Variants in IQGAP2 observed in about 807,000 individuals in gnomAD.
IQGAP2 encodes IQ motif containing GTPase activating protein 2, also known as ras GTPase-activating-like protein IQGAP2.
IQGAP2 carries 173 observed loss-of-function variants against 201.3 expected under a neutral mutation model. The observed-to-expected ratio is 0.86, with a 90% CI of 0.76 to 0.98. The LOEUF (loss-of-function observed/expected upper bound fraction) is 0.98. Ranked by LOEUF, IQGAP2 falls within the 50% of genes least tolerant of loss-of-function variation. The pLI is 0.00. For synonymous variants in IQGAP2, 675 were observed against 673.9 expected (o/e 1.00, Z -0.03); for missense variants, 1,687 against 1,864.8 (o/e 0.90, Z 1.76).
chr5:76,638,707 C>T (rs999742062), intron 16 of IQGAP2, among the ~76,000 whole-genome samples: 2 of 152,158 alleles, frequency 1.3e-5, no homozygotes, highest in Admixed American at 6.6e-5. Context: ...GAGAGGAGCA[C>T]TTTGACAATA....
At chr5:76,589,567 T>A in intron 6 of IQGAP2, 48 bp from the exon 7 acceptor site, 1 of 1,050,444 alleles carries the variant, frequency 9.5e-7, no homozygotes, top group Non-Finnish European at 1.4e-6. Flanking sequence ...TCCATCTCTG[T>A]CTGTAGCTTT....
intron 26 of IQGAP2, 64 bp downstream of exon 26, chr5:76,674,100 T>C (rs1003652899): frequency 4.4e-5 from 39 of 888,506 alleles, no homozygotes; most frequent in South Asian, 2.9e-4. Flanking sequence ...ATTACCAACA[T>C]ATAACTTTGT....
chr5:76,496,753 C>CTTTCTTTCTTTCTTTCT lies in IQGAP2; in HGVS notation c.146+35087_146+35103dup, dbSNP rs1561416433. The stretch of plus-strand genomic sequence containing the variant: ...TCTTTCTTTCTTTCTTTCTTTCTTT[C>CTTTCTTTCTTTCTTTCT]TTTCTTTCTTTCTTTCTTTCTTTCT... On this transcript the variant is annotated intron_variant, in intron 2 of 35. Coordinates refer to ENST00000274364, the MANE Select transcript of IQGAP2 (RefSeq NM_006633.5). 5.9e-3 allele frequency among the ~76,000 whole-genome samples: 388 copies of CTTTCTTTCTTTCTTTCT among 65,414 alleles called. 9 individuals are homozygous for CTTTCTTTCTTTCTTTCT. The highest frequency in any genetic ancestry group is 0.01 in the East Asian group (27 of 2,654). The allele number at this position is 65,414 out of a possible 152,430, so 42.9% of individuals were successfully genotyped here.
At chr5:76,499,183 C>G (rs1233964400) in intron 2 of IQGAP2, among the ~76,000 whole-genome samples, 1 of 152,184 alleles carries the variant, frequency 6.6e-6, no homozygotes, top group African/African-American at 2.4e-5. Context: ...AAGAAGCCGT[C>G]TCCCCTAACC....
chr5:76,626,493 A>G (rs1425352468), intron 13 of IQGAP2, among the ~76,000 whole-genome samples: 3 of 151,142 alleles, frequency 2.0e-5, no homozygotes, highest in Admixed American at 6.6e-5. Context: ...CTGGTCTCGA[A>G]CTCCTGACCT....
At position 76,562,468 on chromosome 5, in the gene IQGAP2, T is replaced by C; in HGVS notation, c.219T>C (p.Val73=). Residue 73 remains valine (V), a synonymous_variant, in exon 3 of 36, where the codon GTT becomes GTC. Coordinates refer to ENST00000274364, the MANE Select transcript of IQGAP2 (RefSeq NM_006633.5). Reference sequence around the variant, plus strand: ...TGGAAGAAGGGCTCCGGAATGGAGTTTACCTTGCAAAGTTAGCCAAGTTCT... The same window carrying C: ...TGGAAGAAGGGCTCCGGAATGGAGTCTACCTTGCAAAGTTAGCCAAGTTCT... ...TELEEGLRNG[V]YLAKLAKFFA... 2 of 1,613,984 alleles carry C rather than the reference T, an allele frequency of 1.2e-6. No individual in the cohort carries two copies. The highest frequency in any genetic ancestry group is 1.7e-6 in the Non-Finnish European group (2 of 1,179,880).
At chr5:76,565,888 C>G (rs1011966773) in intron 3 of IQGAP2, among the ~76,000 whole-genome samples, 1 of 152,116 alleles carries the variant, frequency 6.6e-6, no homozygotes, top group Admixed American at 6.5e-5. Flanking sequence ...GGGTCCCACC[C>G]CAGACTACTG....
chr5:76,612,586 T>G (rs1748501712), intron 13 of IQGAP2, among the ~76,000 whole-genome samples: 1 of 152,168 alleles, frequency 6.6e-6, no homozygotes, highest in Non-Finnish European at 1.5e-5. Context: ...TCTGTCTGAT[T>G]CGGAAACATT....
At position 76,500,933 on chromosome 5, in the gene IQGAP2, A is replaced by G. The variant is rs927536457; in HGVS notation, c.146+39264A>G. On this transcript the variant is annotated intron_variant, in intron 2 of 35. Transcript: ENST00000274364. ...AATGTTTAGGTAAATTGCCTTGATG[A>G]CAGAGTATGCCAAAGGACTGAGATT... 4.6e-5 allele frequency among the ~76,000 whole-genome samples: 7 copies of G among 152,288 alleles called. No homozygotes were observed. The South Asian group carries it at 1.2e-3, about 27-fold the overall frequency.
At chr5:76,510,655 G>T in intron 2 of IQGAP2, 3 of 534,964 alleles carry the variant, frequency 5.6e-6, no homozygotes, top group East Asian at 5.4e-5. Context: ...CTCCTTTGGG[G>T]ACTGCCACCG....
intron 1 of IQGAP2, among the ~76,000 whole-genome samples, chr5:76,427,028 CA>C (rs33956131): frequency 0.38 from 58,096 of 151,454 alleles, 13,137 homozygotes; most frequent in East Asian, 0.53. Context: ...GAGAAAATAA[CA>C]TTAGAGTTAA....
intron 21 of IQGAP2, among the ~76,000 whole-genome samples, chr5:76,664,719 AATAG>A (rs1427570610): frequency 6.6e-6 from 1 of 152,168 alleles, no homozygotes; most frequent in Non-Finnish European, 1.5e-5. Flanking sequence ...AGCGCCCCGT[AATAG>A]ATAGTATAAT....
At chr5:76,463,022 C>A (rs913190227) in intron 2 of IQGAP2, among the ~76,000 whole-genome samples, 1 of 149,232 alleles carries the variant, frequency 6.7e-6, no homozygotes, top group South Asian at 2.1e-4. Context: ...ACTCCTGAGG[C>A]TAAGGTGGGA....
At chr5:76,644,887 A>G (rs1751908350) in intron 17 of IQGAP2, among the ~76,000 whole-genome samples, 1 of 152,224 alleles carries the variant, frequency 6.6e-6, no homozygotes, top group African/African-American at 2.4e-5. Flanking sequence ...TTCGGGATAC[A>G]TGTGCAGAAT....
At position 76,453,072 on chromosome 5, in the gene IQGAP2, T is replaced by C. The variant is rs573144689; in HGVS notation, c.47-8498T>C. ...CTGGGATTACAGGCTTGCGCCACCA[T>C]GCCTAGCTAGTTTTTATATTTTTAG... On this transcript the variant is annotated intron_variant, in intron 1 of 35. Transcript: ENST00000274364. Among the ~76,000 whole-genome samples the C allele has an allele frequency of 2.0e-5, 3 of 152,184 alleles. No homozygotes were observed. The South Asian group carries it at 6.2e-4, about 32-fold the overall frequency.
intron 13 of IQGAP2, among the ~76,000 whole-genome samples, chr5:76,613,945 G>A (rs991511109): frequency 1.3e-5 from 2 of 152,030 alleles, no homozygotes; most frequent in African/African-American, 2.4e-5. Context: ...CACCTGCCTC[G>A]GCCTCCCAAA....
chr5:76,596,610 G>A (rs962045894), intron 9 of IQGAP2, among the ~76,000 whole-genome samples: 11 of 152,166 alleles, frequency 7.2e-5, no homozygotes, highest in Non-Finnish European at 1.3e-4. Flanking sequence ...ATGTCTGAAG[G>A]AGGCCTCAGG....
chr5:76,596,025 A>T (rs954785601), intron 9 of IQGAP2, among the ~76,000 whole-genome samples: 2 of 152,148 alleles, frequency 1.3e-5, no homozygotes, highest in African/African-American at 4.8e-5. Flanking sequence ...TAGAAATGCT[A>T]AGGTTCTCAG....
At chr5:76,476,783 T>A (rs1208220360) in intron 2 of IQGAP2, among the ~76,000 whole-genome samples, 1 of 152,202 alleles carries the variant, frequency 6.6e-6, no homozygotes, top group Non-Finnish European at 1.5e-5. Context: ...TGCTACTGAT[T>A]TATTACTAAT....
Sources: allele counts gnomAD v4.1 joint callset (sites outside exome capture counted in the v4.1 genomes callset), GRCh38; gene constraint gnomAD v4.1.1; transcripts MANE v1.5; gene names NCBI Gene and HGNC (gene_info 2026-07-23, HGNC 2026-07-21).